The following ULK4 variants were observed in gnomAD, a reference collection of about 807,000 sequenced individuals.
The protein encoded by ULK4 is unc-51 like kinase 4, also known as inactive serine/threonine-protein kinase ULK4.
ULK4 carries 133 observed loss-of-function variants against 160.6 expected under a neutral mutation model. The ratio of observed to expected loss-of-function variants is 0.83; its 90% CI spans 0.72 to 0.96. ULK4 has a LOEUF of 0.96. Ranked by LOEUF, ULK4 falls within the 40% of genes least tolerant of loss-of-function variation. ULK4 has a pLI of 0.00. For synonymous variants in ULK4, 534 were observed against 539.8 expected (o/e 0.99, Z 0.15); for missense variants, 1,580 against 1,499.5 (o/e 1.05, Z -0.89).
At chr3:41,512,037 C>T (rs572452126) in intron 32 of ULK4, among the ~76,000 whole-genome samples, 1 of 152,232 alleles carries the variant, frequency 6.6e-6, no homozygotes, top group Admixed American at 6.5e-5. Context: ...ATCAGACTAT[C>T]ATCTCAATAG....
chr3:41,949,963 T>C (rs1322635139), intron 2 of ULK4, among the ~76,000 whole-genome samples: 1 of 151,510 alleles, frequency 6.6e-6, no homozygotes, highest in Non-Finnish European at 1.5e-5. Context: ...CCTGAACTTC[T>C]GGGCTCAAGT....
At chr3:41,257,142 A>G (rs2078850372) in intron 35 of ULK4, among the ~76,000 whole-genome samples, 1 of 152,224 alleles carries the variant, frequency 6.6e-6, no homozygotes, top group South Asian at 2.1e-4. Flanking sequence ...ATAAGAAAAG[A>G]TAACTCAACG....
chr3:41,476,631 TC>T (rs1171431720), intron 32 of ULK4, among the ~76,000 whole-genome samples: 1 of 152,136 alleles, frequency 6.6e-6, no homozygotes, highest in East Asian at 1.9e-4. Context: ...TTTTTTCCTC[TC>T]TTTTCTCTCC....
chr3:41,744,720 T>A (rs1162400322), intron 22 of ULK4, among the ~76,000 whole-genome samples: 1 of 151,824 alleles, frequency 6.6e-6, no homozygotes, highest in African/African-American at 2.4e-5. Flanking sequence ...CAAAATCTAA[T>A]TGACATATAA....
intron 32 of ULK4, among the ~76,000 whole-genome samples, chr3:41,514,380 G>A (rs1364747384): frequency 6.6e-6 from 1 of 152,240 alleles, no homozygotes; most frequent in East Asian, 1.9e-4. Context: ...GGGGTCGTGC[G>A]AAGCAAAGGA....
At chr3:41,948,461 A>C (rs939944809) in intron 2 of ULK4, among the ~76,000 whole-genome samples, 2 of 152,250 alleles carry the variant, frequency 1.3e-5, no homozygotes, top group African/African-American at 4.8e-5. Context: ...CAAAAAAAAG[A>C]AAGAGTGTTT....
At chr3:41,480,125 T>C (rs552532652) in intron 32 of ULK4, among the ~76,000 whole-genome samples, 12 of 147,000 alleles carry the variant, frequency 8.2e-5, no homozygotes, top group African/African-American at 3.0e-4. Flanking sequence ...GAGAATGACG[T>C]GAACCTGGGA....
intron 35 of ULK4, among the ~76,000 whole-genome samples, chr3:41,347,798 G>T (rs1318952728): frequency 6.6e-6 from 1 of 152,152 alleles, no homozygotes; most frequent in Non-Finnish European, 1.5e-5. Context: ...CTGAGGGCAA[G>T]GTAACCCTTA....
chr3:41,717,920 C>T (rs897879376), intron 22 of ULK4, 59 bp from the exon 23 acceptor site: 20 of 1,549,564 alleles, frequency 1.3e-5, no homozygotes, highest in Non-Finnish European at 1.8e-5. Flanking sequence ...TAGCATCTAT[C>T]CAAAAATGCC....
intron 32 of ULK4, among the ~76,000 whole-genome samples, chr3:41,492,105 A>C (rs9839278): frequency 0.4 from 57,425 of 144,354 alleles, 11,995 homozygotes; most frequent in African/African-American, 0.43. Context: ...TGTATATGTG[A>C]CACATTTTCT....
intron 35 of ULK4, among the ~76,000 whole-genome samples, chr3:41,379,050 T>C (rs978469115): frequency 1.3e-5 from 2 of 151,886 alleles, no homozygotes; most frequent in Non-Finnish European, 2.9e-5. Context: ...CACCAGGGCC[T>C]GTCGGGAGAT....
At chr3:41,759,452 A>C (rs1224537517) in intron 21 of ULK4, among the ~76,000 whole-genome samples, 1 of 152,200 alleles carries the variant, frequency 6.6e-6, no homozygotes, top group Non-Finnish European at 1.5e-5. Context: ...GAATCTGTAC[A>C]TTAAAAATTC....
At chr3:41,804,728 A>G (rs969678833) in intron 19 of ULK4, among the ~76,000 whole-genome samples, 1 of 152,182 alleles carries the variant, frequency 6.6e-6, no homozygotes, top group Non-Finnish European at 1.5e-5. Flanking sequence ...AGCATCATTT[A>G]TTAAATAGGG....
At chr3:41,883,259 A>G (rs545654941) in intron 17 of ULK4, among the ~76,000 whole-genome samples, 3 of 152,262 alleles carry the variant, frequency 2.0e-5, no homozygotes, top group African/African-American at 4.8e-5. Flanking sequence ...AAATTTTTCC[A>G]ATTTTTCTTA....
chr3:41,303,058 T>A (rs1559513137), intron 35 of ULK4, among the ~76,000 whole-genome samples: 2 of 152,188 alleles, frequency 1.3e-5, no homozygotes, highest in East Asian at 1.9e-4. Flanking sequence ...TCAAAAGTCA[T>A]GAAATGTCAA....
intron 35 of ULK4, among the ~76,000 whole-genome samples, chr3:41,279,370 C>T (rs2125693337): frequency 6.6e-6 from 1 of 151,620 alleles, no homozygotes; most frequent in South Asian, 2.1e-4. Context: ...AGAATGGGAC[C>T]AAGTTAGAAA....
chr3:41,640,584 A>G (rs1238226842), intron 30 of ULK4, among the ~76,000 whole-genome samples: 1 of 152,150 alleles, frequency 6.6e-6, no homozygotes, highest in East Asian at 1.9e-4. Flanking sequence ...TCAAGCTTCA[A>G]TAGGAAACAC....
At chr3:41,862,298 T>G (rs1716677) in intron 17 of ULK4, among the ~76,000 whole-genome samples, 8,373 of 152,230 alleles carry the variant, frequency 0.055, 750 homozygotes, top group African/African-American at 0.18. Context: ...ATTCCTTCTC[T>G]GTGTTACCTT....
At chr3:41,666,938 G>A (rs895661586) in intron 29 of ULK4, among the ~76,000 whole-genome samples, 1 of 151,996 alleles carries the variant, frequency 6.6e-6, no homozygotes, top group Non-Finnish European at 1.5e-5. Context: ...GAGTCCAGGA[G>A]TTGAGACCAG....
Sources: gnomAD v4.1 joint callset for allele counts (sites outside exome capture counted in the v4.1 genomes callset) on GRCh38, gnomAD v4.1.1 for gene constraint, MANE v1.5 for transcripts, NCBI Gene and HGNC (gene_info 2026-07-23, HGNC 2026-07-21) for gene names.